The following PALS1 variants were observed in gnomAD, a reference collection of about 807,000 sequenced individuals.
The protein encoded by PALS1 is protein associated with LIN7 1, MAGUK p55 family member.
A neutral mutation model predicts 78.9 loss-of-function variants in PALS1; 31 were observed. The ratio of observed to expected loss-of-function variants is 0.39; its 90% CI spans 0.30 to 0.53. PALS1 has a LOEUF of 0.53. Among genes scored for constraint, PALS1 ranks in the 20% least tolerant of loss-of-function variants. The pLI is 0.67. For synonymous variants in PALS1, 276 were observed against 270.9 expected, an observed-to-expected ratio of 1.02 and a Z score of -0.18; for missense variants, 704 against 826.5, an observed-to-expected ratio of 0.85 and a Z score of 1.82.
chr14:67,286,874 A>G (rs2084698115), intron 3 of PALS1, among the ~76,000 whole-genome samples: 2 of 150,228 alleles, frequency 1.3e-5, no homozygotes, highest in South Asian at 2.1e-4. Context: ...AAAAAAAAAA[A>G]GAAAAAAACT....
chr14:67,247,484 T>A (rs2084004633), intron 1 of PALS1, among the ~76,000 whole-genome samples: 2 of 152,214 alleles, frequency 1.3e-5, no homozygotes, highest in African/African-American at 4.8e-5. Context: ...CTAGTCTGTA[T>A]GCCTTTTATT....
In PALS1 at chr14:67,334,798, ATATACTTAGCAC is replaced by A. The variant is rs1158573033; in HGVS notation, c.*1844_*1855del. 2 of 152,222 alleles carry A rather than the reference ATATACTTAGCAC, an allele frequency of 1.3e-5. No individual in the cohort carries two copies. The highest frequency in any genetic ancestry group is 6.5e-5 in the Admixed American group (1 of 15,286). 9.4% of individuals were successfully genotyped at this position (152,222 alleles called of 1,614,324 possible). On this transcript the variant is annotated 3_prime_UTR_variant, in exon 15 of 15. Coordinates refer to ENST00000261681, the MANE Select transcript of PALS1 (RefSeq NM_022474.4). ...GATTTTTAGCATTAAAAACTAAGGA[ATATACTTAGCAC>A]TTACTTAATCTTTTCAGTTTTCCAG... is the stretch of plus-strand genomic sequence containing the variant.
intron 1 of PALS1, chr14:67,241,985 G>A (rs942619105): frequency 3.3e-5 from 5 of 152,304 alleles, no homozygotes; most frequent in Middle Eastern, 3.4e-3. Context: ...CTCAGCTGCT[G>A]GTATTCTGCT....
intron 4 of PALS1, among the ~76,000 whole-genome samples, chr14:67,293,035 C>T (rs539405437): frequency 6.6e-6 from 1 of 152,114 alleles, no homozygotes; most frequent in East Asian, 1.9e-4. Flanking sequence ...GAATTTTAAG[C>T]ATTATACATT....
intron 1 of PALS1, among the ~76,000 whole-genome samples, chr14:67,254,888 C>T (rs1422637112): frequency 2.0e-5 from 3 of 152,176 alleles, no homozygotes; most frequent in Non-Finnish European, 2.9e-5. Flanking sequence ...CAGTGGCTCA[C>T]ACCTGTAATC....
chr14:67,243,161 A>G (rs1284513753), intron 1 of PALS1, among the ~76,000 whole-genome samples: 1 of 151,904 alleles, frequency 6.6e-6, no homozygotes, highest in Non-Finnish European at 1.5e-5. Flanking sequence ...GTATCTTGAC[A>G]TATGTGCTTA....
Position 67,320,240 on chromosome 14 carries a change from C to T in PALS1, c.1380C>T (p.Asn460=), listed in dbSNP as rs1246913939. The T allele has an allele frequency of 6.2e-6, 10 of 1,606,466 alleles. No homozygotes were observed. The highest frequency in any genetic ancestry group is 1.7e-4 in the Middle Eastern group (1 of 6,020). The change falls in exon 12 of 15, where the codon AAC becomes AAT. Residue 460 remains asparagine (N), a synonymous_variant. Transcript: ENST00000261681. ...TTTTTTTTCCCAAAGATTATGACAA[C>T]GAGGAGATCTTAACCTATGAGGAAA... is the stretch of plus-strand genomic sequence containing the variant. ...YNANKNDDYD[N]EEILTYEEMS...
intron 8 of PALS1, 106 bp downstream of exon 8, chr14:67,303,705 TTCAA>T (rs1053040055): frequency 1.4e-6 from 1 of 704,258 alleles, no homozygotes; most frequent in African/African-American, 2.1e-5. Context: ...CTCAAATAAA[TTCAA>T]TCATTTTTAT....
At chr14:67,332,328 G>A (rs1421494168) in intron 14 of PALS1, among the ~76,000 whole-genome samples, 5 of 152,162 alleles carry the variant, frequency 3.3e-5, no homozygotes, top group Admixed American at 3.3e-4. Context: ...GCAGCAGATA[G>A]TATAGGGCAA....
chr14:67,250,800 T>C lies in PALS1; in HGVS notation c.-237+9267T>C, dbSNP rs921665627. Among the ~76,000 whole-genome samples, 3 of 152,208 alleles carry C rather than the reference T, an allele frequency of 2.0e-5. No homozygotes were observed. In the South Asian group the frequency reaches 6.2e-4, roughly 32 times the overall value. On this transcript the variant is annotated intron_variant, in intron 1 of 14. Transcript: ENST00000261681. Reference sequence around the variant, plus strand: ...TTGTAGGCATCCTAAAGGAATCTTATCCTTCTGTTTTTTATACCTTATCCT... The same window carrying C: ...TTGTAGGCATCCTAAAGGAATCTTACCCTTCTGTTTTTTATACCTTATCCT...
intron 2 of PALS1, among the ~76,000 whole-genome samples, chr14:67,273,244 C>G (rs1003087553): frequency 1.3e-5 from 2 of 151,670 alleles, no homozygotes; most frequent in Non-Finnish European, 2.9e-5. Flanking sequence ...TTAGGTATAT[C>G]TCCTAATGCT....
chr14:67,266,220 T>C (rs1195970297), intron 1 of PALS1, among the ~76,000 whole-genome samples: 1 of 152,216 alleles, frequency 6.6e-6, no homozygotes, highest in Non-Finnish European at 1.5e-5. Flanking sequence ...AGTTCTGTAA[T>C]GTAAGAACTC....
chr14:67,284,534 G>A (rs372288943), intron 3 of PALS1, among the ~76,000 whole-genome samples: 8 of 107,130 alleles, frequency 7.5e-5, no homozygotes, highest in Admixed American at 4.9e-4. Context: ...CCAGGAGATC[G>A]AGGCTGCAGT....
intron 3 of PALS1, among the ~76,000 whole-genome samples, chr14:67,282,686 A>T (rs2140716096): frequency 6.6e-6 from 1 of 151,558 alleles, no homozygotes; most frequent in South Asian, 2.1e-4. Flanking sequence ...TAGTATTATA[A>T]ATGGTAAAAA....
At chr14:67,278,925 T>G in intron 2 of PALS1, 93 bp from the exon 3 acceptor site, 1 of 297,354 alleles carries the variant, frequency 3.4e-6, no homozygotes, top group Non-Finnish European at 6.2e-6. Flanking sequence ...CTTATTATTT[T>G]CTACGTTGTA....
chr14:67,312,831 G>A (rs1197548257), intron 9 of PALS1, 121 bp downstream of exon 9: 4 of 785,042 alleles, frequency 5.1e-6, no homozygotes, highest in Non-Finnish European at 7.4e-6. Context: ...TTACTTTTTC[G>A]TGTAGTTGGG....
intron 1 of PALS1, among the ~76,000 whole-genome samples, chr14:67,246,898 C>T (rs1441056824): frequency 6.6e-6 from 1 of 152,156 alleles, no homozygotes; most frequent in Non-Finnish European, 1.5e-5. Flanking sequence ...GATCTGCCTG[C>T]CCCGGCTTCC....
intron 14 of PALS1, among the ~76,000 whole-genome samples, chr14:67,331,544 A>T (rs1257410361): frequency 6.6e-6 from 1 of 152,094 alleles, no homozygotes; most frequent in Admixed American, 6.6e-5. Context: ...TAGCAGTATG[A>T]ACTTATTGTC....
chr14:67,265,990 G>A (rs1395041349), intron 1 of PALS1, among the ~76,000 whole-genome samples: 1 of 151,156 alleles, frequency 6.6e-6, no homozygotes, highest in Non-Finnish European at 1.5e-5. Context: ...TTTATTTTTT[G>A]TAGAGACAAG....
Sources: gnomAD v4.1 joint callset for allele counts (sites outside exome capture counted in the v4.1 genomes callset) on GRCh38, gnomAD v4.1.1 for gene constraint, MANE v1.5 for transcripts, NCBI Gene and HGNC (gene_info 2026-07-23, HGNC 2026-07-21) for gene names.